Variants in PRKCG observed in about 807,000 individuals in gnomAD.
PRKCG encodes the protein protein kinase C gamma type.
A neutral mutation model predicts 82.0 loss-of-function variants in PRKCG; 28 were observed. That is an observed-to-expected ratio of 0.34 (90% CI 0.25 to 0.47). PRKCG has a LOEUF of 0.47. Ranked by LOEUF, PRKCG falls within the 20% of genes least tolerant of loss-of-function variation. The probability of loss-of-function intolerance (pLI) is 1.00; values close to 1 mark genes in which losing one functional copy is unlikely to be tolerated. For missense variants in PRKCG, 640 were observed against 952.7 expected (o/e 0.67, Z 4.32); for synonymous variants, 383 against 376.6 (o/e 1.02, Z -0.20).
At position 53,883,298 on chromosome 19, in the gene PRKCG, C is replaced by T; in HGVS notation, c.202+104C>T. 7.2e-7 allele frequency: 1 copy of T among 1,393,204 alleles called. No individual in the cohort carries two copies. Among genetic ancestry groups the T allele is most frequent in the Non-Finnish European group, 1.0e-6 (1 of 989,620 alleles). 86.3% of individuals were successfully genotyped at this position (1,393,204 alleles called of 1,614,324 possible). A position where few individuals can be genotyped will look rare whatever the true frequency, so the allele number is the denominator to read the frequency against. On this transcript the variant is annotated intron_variant, in intron 2 of 17. Coordinates refer to ENST00000263431, the MANE Select transcript of PRKCG (RefSeq NM_002739.5). This position sits in a 1 kb window ranked among gnomAD's most constrained non-coding sequence, Gnocchi z 5.4. ...ACGTGTTCTCTGGTCCCCAGAGAGGCGCGGGGGAGCCCGGGGCGGGGGGTG... is the reference window on the plus strand; with the variant it reads ...ACGTGTTCTCTGGTCCCCAGAGAGGTGCGGGGGAGCCCGGGGCGGGGGGTG...
At chr19:53,906,069 C>T (rs1326712115) in intron 16 of PRKCG, among the ~76,000 whole-genome samples, 20 of 55,624 alleles carry the variant, frequency 3.6e-4, no homozygotes, top group East Asian at 1.4e-3. Flanking sequence ...TCCTCCTCCT[C>T]CTCCTCCTCC....
chr19:53,892,406 G>T lies in PRKCG; in HGVS notation c.687-103G>T. The stretch of plus-strand genomic sequence containing the variant: ...CGGAGACCGACAAAGCAGGAGAGGA[G>T]CCCCAGCTGGCTGGGTTTGCCCCCA... On this transcript the variant is annotated intron_variant, in intron 6 of 17. Coordinates refer to ENST00000263431, the MANE Select transcript of PRKCG (RefSeq NM_002739.5). This position sits in a 1 kb window ranked among gnomAD's most constrained non-coding sequence, Gnocchi z 5.9. The T allele has an allele frequency of 6.6e-7, 1 of 1,515,262 alleles. No individual in the cohort carries two copies. Among genetic ancestry groups the T allele is most frequent in the South Asian group, 1.2e-5 (1 of 83,414 alleles). The allele number at this position is 1,515,262 out of a possible 1,614,324, so 93.9% of individuals were successfully genotyped here. A position where few individuals can be genotyped will look rare whatever the true frequency, so the allele number is the denominator to read the frequency against.
intron 15 of PRKCG, among the ~76,000 whole-genome samples, chr19:53,903,729 C>G (rs1233138676): frequency 6.6e-6 from 1 of 152,146 alleles, no homozygotes; most frequent in Admixed American, 6.5e-5. Flanking sequence ...GGCGACAGAG[C>G]AAGACCCCAT....
rs535386874 is a variant in PRKCG, at chr19:53,894,128, C to T, written c.939+737C>T. On this transcript the variant is annotated intron_variant, in intron 9 of 17. Coordinates refer to ENST00000263431, the MANE Select transcript of PRKCG (RefSeq NM_002739.5). ...ACGCCCAGGCTGGAGTGCAGTGGTG[C>T]GATCTCGGCTCACTGCAAGCTCCGC... Among the ~76,000 whole-genome samples the T allele has an allele frequency of 6.6e-5, 10 of 151,852 alleles. 1 individual carries two copies. In the East Asian group the frequency reaches 1.7e-3, roughly 27 times the overall value.
chr19:53,906,227 C>T, intron 16 of PRKCG, 90 bp from the exon 17 acceptor site: 1 of 1,511,504 alleles, frequency 6.6e-7, no homozygotes, highest in Non-Finnish European at 9.0e-7. Flanking sequence ...TTGGTTCCTC[C>T]ATCTGCCTGT....
chr19:53,906,981 T>TG lies in PRKCG; in HGVS notation c.*87dup. Reference sequence around the variant, plus strand: ...CTTCACCCCCAACTTCACCACCCCCTGTCCCATTCTAGATCCTGCACCCCA... The same window carrying TG: ...CTTCACCCCCAACTTCACCACCCCCTGGTCCCATTCTAGATCCTGCACCCCA... On this transcript the variant is annotated 3_prime_UTR_variant, in exon 18 of 18. Transcript: ENST00000263431. 1.1e-5 allele frequency: 17 copies of TG among 1,488,466 alleles called. No individual in the cohort carries two copies. The highest frequency in any genetic ancestry group is 1.5e-5 in the Non-Finnish European group (17 of 1,127,116). The allele number at this position is 1,488,466 out of a possible 1,614,324, so 92.2% of individuals were successfully genotyped here.
chr19:53,892,616 A>T lies in PRKCG; in HGVS notation c.794A>T (p.Glu265Val). The change falls in exon 7 of 18, where the codon GAG becomes GTG. Residue 265 changes from glutamate to valine, a missense_variant. This residue lies in a region of PRKCG where 261 missense variants were observed against 312.1 expected (regional missense o/e 0.84). Transcript: ENST00000263431. The surrounding 1 kb of genome is among the most constrained non-coding windows in gnomAD (Gnocchi z 5.9). ...FMGAMSFGVS[E>V]LLKAPVDGWY... ...GGGGCCATGTCCTTTGGCGTCTCGG[A>T]GCTGCTCAAGGCGCCCGTGGATGGC... 1.2e-6 allele frequency: 2 copies of T among 1,612,874 alleles called. No homozygotes were observed. Among genetic ancestry groups the T allele is most frequent in the Non-Finnish European group, 8.5e-7 (1 of 1,179,914 alleles).
In PRKCG at chr19:53,893,094, C is replaced by T; in HGVS notation, c.909+19C>T. On this transcript the variant is annotated intron_variant, in intron 8 of 17. Transcript: ENST00000263431. ...GTTTGAGGTACCCAGACCCTGGCTT[C>T]CTCAAGGGAGCCCAGCCCAGCCTCC... 1 of 1,608,956 alleles carries T rather than the reference C, an allele frequency of 6.2e-7. No homozygotes were observed. Among genetic ancestry groups the T allele is most frequent in the Non-Finnish European group, 8.5e-7 (1 of 1,176,252 alleles).
chr19:53,889,602 C>A lies in PRKCG; in HGVS notation c.286-36C>A, dbSNP rs758942325. The A allele has an allele frequency of 3.4e-5, 53 of 1,562,718 alleles. No homozygotes were observed. The East Asian group carries it at 1.0e-3, about 30-fold the overall frequency. ...CCCTCCCCTGGGGTTTTAGGACCCT[C>A]CCAACGCCCCCTAAGCCAGTCTTCT... On this transcript the variant is annotated intron_variant, in intron 3 of 17. Coordinates refer to ENST00000263431, the MANE Select transcript of PRKCG (RefSeq NM_002739.5). The surrounding 1 kb of genome is among the most constrained non-coding windows in gnomAD (Gnocchi z 4.4).
At chr19:53,897,882 C>A (rs1462804840) in intron 9 of PRKCG, 77 bp from the exon 10 acceptor site, 3 of 1,590,612 alleles carry the variant, frequency 1.9e-6, no homozygotes, top group Non-Finnish European at 2.6e-6. Context: ...TTCTTGGGTG[C>A]TGTGTCTCTT....
rs1371697564 is a variant in PRKCG, at chr19:53,884,259, C to A, written c.285+16C>A. On this transcript the variant is annotated intron_variant, in intron 3 of 17. Coordinates refer to ENST00000263431, the MANE Select transcript of PRKCG (RefSeq NM_002739.5). The surrounding 1 kb of genome is among the most constrained non-coding windows in gnomAD (Gnocchi z 4.6). Reference sequence around the variant, plus strand: ...CCAGACGGACGTGAGTGCTCGGACACCTGGTTCTCCTCCTCGGGCCGTGCC... The same window carrying A: ...CCAGACGGACGTGAGTGCTCGGACAACTGGTTCTCCTCCTCGGGCCGTGCC... 1.2e-6 allele frequency: 2 copies of A among 1,612,402 alleles called. No individual in the cohort carries two copies. The highest frequency in any genetic ancestry group is 1.7e-6 in the Non-Finnish European group (2 of 1,179,142).
chr19:53,893,511 G>A lies in PRKCG; in HGVS notation c.939+120G>A, dbSNP rs1599946606. 4.5e-6 allele frequency: 5 copies of A among 1,121,660 alleles called. No homozygotes were observed. The East Asian group carries it at 9.5e-5, about 21-fold the overall frequency. 69.5% of individuals were successfully genotyped at this position (1,121,660 alleles called of 1,614,324 possible). ...TGAGTTGAGCACACATTTGTGCTAG[G>A]CCTGTCTTGTGCTTGCTGAATAATC... On this transcript the variant is annotated intron_variant, in intron 9 of 17. Coordinates refer to ENST00000263431, the MANE Select transcript of PRKCG (RefSeq NM_002739.5).
chr19:53,895,693 T>G (rs964757847), intron 9 of PRKCG, among the ~76,000 whole-genome samples: 8 of 152,192 alleles, frequency 5.3e-5, no homozygotes, highest in African/African-American at 1.4e-4. Context: ...TCAGTGACGA[T>G]CTCTCTGATG....
chr19:53,882,178 C>T (rs1352549921), upstream of PRKCG: 1 of 386,452 alleles, frequency 2.6e-6, no homozygotes, highest in Non-Finnish European at 4.8e-6. The surrounding 1 kb of genome is among the most constrained non-coding windows in gnomAD (Gnocchi z 6.1). Context: ...GGCAACGCCT[C>T]CCCCAACCCG....
At position 53,883,625 on chromosome 19, in the gene PRKCG, G is replaced by C. The variant is rs575966230; in HGVS notation, c.202+431G>C. 1.6e-3 allele frequency among the ~76,000 whole-genome samples: 234 copies of C among 149,352 alleles called. No homozygotes were observed. The highest frequency in any genetic ancestry group is 0.015 in the Admixed American group (224 of 15,058). On this transcript the variant is annotated intron_variant, in intron 2 of 17. Coordinates refer to ENST00000263431, the MANE Select transcript of PRKCG (RefSeq NM_002739.5). The surrounding 1 kb of genome is among the most constrained non-coding windows in gnomAD (Gnocchi z 5.4). ...GGGCGAGTGGGGGCCGGGCGGGGCCGGCAGTTCTGGGGGGCGGGAGAGGGG... is the reference window on the plus strand; with the variant it reads ...GGGCGAGTGGGGGCCGGGCGGGGCCCGCAGTTCTGGGGGGCGGGAGAGGGG...
rs183770278 is a variant in PRKCG, at chr19:53,889,150, G to A, written c.286-488G>A. Among the ~76,000 whole-genome samples, 387 of 152,108 alleles carry A rather than the reference G, an allele frequency of 2.5e-3. 3 individuals are homozygous for A. The highest frequency in any genetic ancestry group is 8.4e-3 in the African/African-American group (350 of 41,486). On this transcript the variant is annotated intron_variant, in intron 3 of 17. Coordinates refer to ENST00000263431, the MANE Select transcript of PRKCG (RefSeq NM_002739.5). This position sits in a 1 kb window ranked among gnomAD's most constrained non-coding sequence, Gnocchi z 4.4. Reference sequence around the variant, plus strand: ...GTATTTTTAGTAGAGACAGAGTTTTGCCATGTTGCCTAGCCTGGTCCGGAA... The same window carrying A: ...GTATTTTTAGTAGAGACAGAGTTTTACCATGTTGCCTAGCCTGGTCCGGAA...
chr19:53,902,511 G>A (rs2123021228), intron 14 of PRKCG, among the ~76,000 whole-genome samples: 1 of 152,284 alleles, frequency 6.6e-6, no homozygotes, highest in South Asian at 2.1e-4. Flanking sequence ...TTGGCCGTTA[G>A]GTAGTCTTTC....
At chr19:53,899,380 C>T (rs960053002) in intron 11 of PRKCG, among the ~76,000 whole-genome samples, 2 of 152,172 alleles carry the variant, frequency 1.3e-5, no homozygotes, top group African/African-American at 2.4e-5. Flanking sequence ...TGGGCCTGCC[C>T]AGAATTGGGC....
In PRKCG at chr19:53,898,047, C is replaced by T. The variant is rs149157968; in HGVS notation, c.1028C>T (p.Pro343Leu). ...DPKRCFFGAS[P>L]GRLHISDFSF... ...AAGCGCTGCTTCTTCGGGGCGAGTCCAGGACGCCTGCACATCTCCGACTTC... is the reference window on the plus strand; with the variant it reads ...AAGCGCTGCTTCTTCGGGGCGAGTCTAGGACGCCTGCACATCTCCGACTTC... Residue 343 changes from proline to leucine, a missense_variant, in exon 10 of 18, where the codon CCA (proline) becomes CTA (leucine). Pro to Leu is a moderately conservative substitution (Grantham distance 98). Around this residue, in one of 7 missense-constraint regions of PRKCG, gnomAD observed 261 missense variants for 312.1 expected, o/e 0.84. Transcript: ENST00000263431. 2.0e-5 allele frequency: 33 copies of T among 1,614,002 alleles called. No homozygotes were observed. Among genetic ancestry groups the T allele is most frequent in the Non-Finnish European group, 2.8e-5 (33 of 1,180,022 alleles).
Sources: gnomAD v4.1 joint callset for allele counts (sites outside exome capture counted in the v4.1 genomes callset) on GRCh38, gnomAD v4.1.1 for gene constraint, gnomAD v4.1.1 regional missense constraint, Gnocchi (gnomAD v3.1) non-coding constraint, MANE v1.5 for transcripts, NCBI Gene and HGNC (gene_info 2026-07-23, HGNC 2026-07-21) for gene names.